Variants in UBE3C observed in about 807,000 individuals in gnomAD.
UBE3C encodes the protein ubiquitin protein ligase E3C.
UBE3C carries 42 observed loss-of-function variants against 129.4 expected under a neutral mutation model. The ratio of observed to expected loss-of-function variants is 0.32; its 90% CI spans 0.25 to 0.42. The LOEUF (loss-of-function observed/expected upper bound fraction) is 0.42. Ranked by LOEUF, UBE3C falls within the 10% of genes least tolerant of loss-of-function variation. The pLI is 1.00. For synonymous variants in UBE3C, 510 were observed against 492.4 expected, an observed-to-expected ratio of 1.04 and a Z score of -0.47; for missense variants, 1,049 against 1,319.1, an observed-to-expected ratio of 0.80 and a Z score of 3.17.
intron 1 of UBE3C, among the ~76,000 whole-genome samples, chr7:157,146,348 C>T (rs1378007934): frequency 6.6e-6 from 1 of 151,578 alleles, no homozygotes; most frequent in Non-Finnish European, 1.5e-5. Flanking sequence ...TCTCCGGCCT[C>T]AGCCTACCGA....
chr7:157,262,475 A>G (rs1310456161), intron 22 of UBE3C, among the ~76,000 whole-genome samples: 3 of 118,402 alleles, frequency 2.5e-5, no homozygotes, highest in African/African-American at 9.7e-5. Context: ...GCTGGAGTAC[A>G]ATGGCCCATC....
Position 157,181,660 on chromosome 7 carries a change from G to C in UBE3C, c.759G>C (p.Pro253=). Residue 253 remains proline, a synonymous_variant, in exon 7 of 23, where the codon CCG becomes CCC. Coordinates refer to ENST00000348165, the MANE Select transcript of UBE3C (RefSeq NM_014671.3). ...TGCACTTTACTTACAACTCCTGTCC[G>C]GAAGGTGCGAGGTGAGACTGGAATG... ...KPLHFTYNSC[P]EGARQQVFTA... 1.9e-6 allele frequency: 3 copies of C among 1,613,268 alleles called. No homozygotes were observed. In the South Asian group the frequency reaches 3.3e-5, roughly 18 times the overall value.
chr7:157,192,290 T>C (rs1224399244), intron 10 of UBE3C: 1 of 418,994 alleles, frequency 2.4e-6, no homozygotes, highest in African/African-American at 2.1e-5. Context: ...TTTAAAGTTT[T>C]CTTTTAAGCT....
intron 1 of UBE3C, among the ~76,000 whole-genome samples, chr7:157,151,533 CT>C (rs1304413301): frequency 6.6e-6 from 1 of 152,112 alleles, no homozygotes; most frequent in African/African-American, 2.4e-5. Context: ...CATGTGCTGG[CT>C]TTTCTTGTGA....
At chr7:157,175,873 CTT>C (rs1310256377) in intron 5 of UBE3C, among the ~76,000 whole-genome samples, 2 of 152,052 alleles carry the variant, frequency 1.3e-5, no homozygotes, top group Non-Finnish European at 1.5e-5. Flanking sequence ...AGTTTGCAAA[CTT>C]TTTATGTAAA....
intron 10 of UBE3C, among the ~76,000 whole-genome samples, chr7:157,196,881 A>C (rs1471435611): frequency 3.3e-5 from 5 of 152,186 alleles, no homozygotes; most frequent in African/African-American, 1.2e-4. Context: ...AGGCAGGAGA[A>C]TCTCTTGAAC....
At chr7:157,246,921 G>C (rs1418120760) in intron 18 of UBE3C, among the ~76,000 whole-genome samples, 1 of 152,142 alleles carries the variant, frequency 6.6e-6, no homozygotes, top group Non-Finnish European at 1.5e-5. Context: ...CGGAGTTTTT[G>C]CTCTTGTTGC....
chr7:157,266,939 G>A (rs765624737), intron 22 of UBE3C, among the ~76,000 whole-genome samples: 11 of 151,814 alleles, frequency 7.2e-5, no homozygotes, highest in Non-Finnish European at 1.3e-4. Context: ...ATGAGGTCTC[G>A]TTATGTTGCC....
chr7:157,233,467 G>T (rs980522660), intron 18 of UBE3C, among the ~76,000 whole-genome samples: 3 of 152,024 alleles, frequency 2.0e-5, no homozygotes, highest in African/African-American at 7.2e-5. Context: ...TATCGTAGAG[G>T]CAGGGTCTTG....
chr7:157,153,297 A>G (rs574657104), intron 1 of UBE3C, among the ~76,000 whole-genome samples: 10 of 152,180 alleles, frequency 6.6e-5, no homozygotes, highest in Admixed American at 5.2e-4. Flanking sequence ...TTCACATCAC[A>G]TCTTGCCACT....
intron 9 of UBE3C, 98 bp downstream of exon 9, chr7:157,184,127 G>A: frequency 6.7e-7 from 1 of 1,493,528 alleles, no homozygotes; most frequent in Admixed American, 2.0e-5. Context: ...ACACAAGTCA[G>A]ACCCTCAAGC....
chr7:157,196,022 A>G (rs1490407012), intron 10 of UBE3C, among the ~76,000 whole-genome samples: 4 of 152,222 alleles, frequency 2.6e-5, no homozygotes, highest in Non-Finnish European at 5.9e-5. Context: ...ACGAGGCGAT[A>G]AGCCCAGATT....
At position 157,178,722 on chromosome 7, in the gene UBE3C, A is replaced by G. The variant is rs1808589679; in HGVS notation, c.491A>G (p.Asn164Ser). The change falls in exon 6 of 23, where the codon AAT becomes AGT. Residue 164 changes from asparagine to serine, a missense_variant. Coordinates refer to ENST00000348165, the MANE Select transcript of UBE3C (RefSeq NM_014671.3). ...LLQNCNDDSL[N>S]VALPMRMLEV... is the part of the protein sequence containing the mutation. ...CAAAACTGTAATGATGACAGTTTGA[A>G]TGTTGCACTTCCAATGAGAATGCTT... 1.2e-6 allele frequency: 2 copies of G among 1,614,184 alleles called. No homozygotes were observed. The highest frequency in any genetic ancestry group is 1.7e-6 in the Non-Finnish European group (2 of 1,180,016).
intron 17 of UBE3C, among the ~76,000 whole-genome samples, chr7:157,229,294 G>GT (rs1347819968): frequency 3.9e-5 from 6 of 151,906 alleles, no homozygotes; most frequent in East Asian, 3.9e-4. Context: ...TCCACCTTGT[G>GT]TTTTTTTTGG....
At chr7:157,230,036 G>T (rs1213482952) in intron 17 of UBE3C, among the ~76,000 whole-genome samples, 1 of 151,966 alleles carries the variant, frequency 6.6e-6, no homozygotes, top group African/African-American at 2.4e-5. Context: ...AGCCACCCAA[G>T]TAGCTGGGAT....
intron 18 of UBE3C, among the ~76,000 whole-genome samples, chr7:157,238,364 A>G (rs1398351727): frequency 6.6e-6 from 1 of 151,930 alleles, no homozygotes; most frequent in African/African-American, 2.4e-5. Context: ...CAAGCACTCA[A>G]GCTGGGAGAC....
chr7:157,162,057 C>T (rs1318772887), intron 1 of UBE3C, among the ~76,000 whole-genome samples: 11 of 151,710 alleles, frequency 7.3e-5, no homozygotes, highest in Non-Finnish European at 1.0e-4. Flanking sequence ...TGACAGAGCA[C>T]GACTCTGTCT....
At chr7:157,206,438 A>G (rs1490461780) in intron 11 of UBE3C, among the ~76,000 whole-genome samples, 2 of 151,204 alleles carry the variant, frequency 1.3e-5, no homozygotes, top group African/African-American at 2.4e-5. Flanking sequence ...AATTTTTTGT[A>G]TCTTTAGTAG....
At chr7:157,199,671 A>G (rs948875626) in intron 10 of UBE3C, among the ~76,000 whole-genome samples, 2 of 151,756 alleles carry the variant, frequency 1.3e-5, no homozygotes, top group South Asian at 2.1e-4. Flanking sequence ...GGGTTTCACC[A>G]TGTTGGCCAG....
Sources: gnomAD v4.1 joint callset for allele counts (sites outside exome capture counted in the v4.1 genomes callset) on GRCh38, gnomAD v4.1.1 for gene constraint, MANE v1.5 for transcripts, NCBI Gene and HGNC (gene_info 2026-07-23, HGNC 2026-07-21) for gene names.